GLB1: variants seen among roughly 807,000 people sequenced by gnomAD.
GLB1 encodes the protein beta-galactosidase.
A neutral mutation model predicts 74.0 loss-of-function variants in GLB1; 56 were observed. That is an observed-to-expected ratio of 0.76 (90% CI 0.61 to 0.94). The LOEUF is 0.94. Ranked by LOEUF, GLB1 falls within the 40% of genes least tolerant of loss-of-function variation. The pLI, the probability that GLB1 is intolerant of heterozygous loss-of-function variation, is 0.00. For synonymous variants in GLB1, 323 were observed against 323.6 expected, an observed-to-expected ratio of 1.00 and a Z score of 0.02; for missense variants, 787 against 845.5, an observed-to-expected ratio of 0.93 and a Z score of 0.86.
At chr3:32,961,534 ACAGT>A in the GLB1 span, among the ~76,000 whole-genome samples, 1 of 152,226 alleles carries the variant, frequency 6.6e-6, no homozygotes, top group Non-Finnish European at 1.5e-5. Context: ...CAGGAGGCAG[ACAGT>A]CAGTCTCTGT....
rs776226560 is a variant in GLB1, at chr3:33,093,167, G to C, written c.75+3844C>G. On this transcript the variant is annotated intron_variant, in intron 1 of 15. Coordinates refer to ENST00000307363, the MANE Select transcript of GLB1 (RefSeq NM_000404.4). The surrounding 1 kb of genome is among the most constrained non-coding windows in gnomAD (Gnocchi z 6.0). ...CAAGATCCATGCCATGGCCAGAGTA[G>C]TGCAGGATGTCTGCTTCAATATCGT... The C allele has an allele frequency of 3.7e-6, 6 of 1,614,184 alleles. No homozygotes were observed. The highest frequency in any genetic ancestry group is 1.6e-4 in the Middle Eastern group (1 of 6,062).
chr3:33,084,721 AAAATT>A (rs1163688785), intron 1 of GLB1, among the ~76,000 whole-genome samples: 3 of 152,214 alleles, frequency 2.0e-5, no homozygotes, highest in Non-Finnish European at 4.4e-5. Context: ...TAAAAAAATA[AAAATT>A]AAATTAAAAA....
chr3:32,984,619 A>C, the GLB1 span, among the ~76,000 whole-genome samples: 2 of 151,820 alleles, frequency 1.3e-5, no homozygotes, highest in East Asian at 3.9e-4. Context: ...TTCCATTAAA[A>C]ATTTAAAAAA....
chr3:32,978,761 C>CTTTTT, the GLB1 span, among the ~76,000 whole-genome samples: 16 of 84,532 alleles, frequency 1.9e-4, no homozygotes, highest in East Asian at 1.1e-3. Flanking sequence ...TTCTTTCTTT[C>CTTTTT]TTTCTTTTTT....
intron 2 of GLB1, among the ~76,000 whole-genome samples, chr3:33,071,674 T>C (rs2125552499): frequency 6.6e-6 from 1 of 152,014 alleles, no homozygotes; most frequent in Non-Finnish European, 1.5e-5. Context: ...AAATCTTCTT[T>C]CTCTGGCCTT....
At chr3:32,977,633 C>G in the GLB1 span, among the ~76,000 whole-genome samples, 16 of 152,158 alleles carry the variant, frequency 1.1e-4, no homozygotes, top group African/African-American at 1.7e-4. Flanking sequence ...TGACTGAGGA[C>G]CTACTATGGG....
At chr3:33,014,908 A>G (rs1488688109) in intron 14 of GLB1, among the ~76,000 whole-genome samples, 1 of 152,232 alleles carries the variant, frequency 6.6e-6, no homozygotes, top group African/African-American at 2.4e-5. Context: ...TGGAGGTTGC[A>G]GTGAGCTGAG....
chr3:33,024,085 C>T (rs1244334750), intron 11 of GLB1, among the ~76,000 whole-genome samples, 166 bp downstream of exon 11: 1 of 152,182 alleles, frequency 6.6e-6, no homozygotes, highest in African/African-American at 2.4e-5. Flanking sequence ...TCTCTCTCCC[C>T]ATTTTCCCAG....
downstream of GLB1, among the ~76,000 whole-genome samples, chr3:32,994,813 C>T (rs1321939851): frequency 6.6e-6 from 1 of 151,184 alleles, no homozygotes; most frequent in Non-Finnish European, 1.5e-5. Context: ...CCCAGCTACT[C>T]TGGAGGCTGA....
chr3:32,984,635 T>C, the GLB1 span, among the ~76,000 whole-genome samples: 103,383 of 151,696 alleles, frequency 0.68, 36,396 homozygotes, highest in East Asian at 0.92. Context: ...AAAAATTAGC[T>C]TGGTGTTACC....
the GLB1 span, among the ~76,000 whole-genome samples, chr3:32,966,597 G>A: frequency 6.6e-6 from 1 of 152,148 alleles, no homozygotes; most frequent in Non-Finnish European, 1.5e-5. Flanking sequence ...TTAGGGGACT[G>A]TTGAAAAGGC....
At chr3:33,027,281 C>T (rs571802269) in intron 10 of GLB1, among the ~76,000 whole-genome samples, 2 of 152,284 alleles carry the variant, frequency 1.3e-5, no homozygotes, top group Non-Finnish European at 2.9e-5. Flanking sequence ...CACCCTGCAG[C>T]AGCAGCAGCC....
chr3:32,987,825 CAA>C, the GLB1 span, among the ~76,000 whole-genome samples: 1 of 152,208 alleles, frequency 6.6e-6, no homozygotes, highest in South Asian at 2.1e-4. Flanking sequence ...CTGGATTTAA[CAA>C]AGAGATGCAG....
Position 33,024,236 on chromosome 3 carries a change from A to T in GLB1, c.1143+15T>A, listed in dbSNP as rs769930433. The T allele has an allele frequency of 1.3e-6, 2 of 1,586,560 alleles. No homozygotes were observed. Among genetic ancestry groups the T allele is most frequent in the African/African-American group, 2.7e-5 (2 of 74,298 alleles). On this transcript the variant is annotated intron_variant, in intron 11 of 15. Transcript: ENST00000307363. ...ATCTCTCACTTTCAAAGTTTCTGTTATTTTTTTTTCTTACCTTTTCCAAAG... is the reference window on the plus strand; with the variant it reads ...ATCTCTCACTTTCAAAGTTTCTGTTTTTTTTTTTTCTTACCTTTTCCAAAG...
chr3:32,982,236 C>G, the GLB1 span, among the ~76,000 whole-genome samples: 1 of 151,226 alleles, frequency 6.6e-6, no homozygotes, highest in Non-Finnish European at 1.5e-5. Flanking sequence ...TCTCTTGAAC[C>G]CGGGAGGTGG....
intron 12 of GLB1, 76 bp downstream of exon 12, chr3:33,021,490 T>G: frequency 2.0e-6 from 3 of 1,498,882 alleles, no homozygotes; most frequent in Non-Finnish European, 2.7e-6. Flanking sequence ...GAATTCAGAA[T>G]GGGCACTGCA....
In GLB1 at chr3:33,097,024, G is replaced by C. The variant is rs749823446; in HGVS notation, c.62C>G (p.Thr21Arg). Residue 21 changes from threonine to arginine, a missense_variant, in exon 1 of 16, where the codon ACG (threonine) becomes AGG (arginine). Coordinates refer to ENST00000307363, the MANE Select transcript of GLB1 (RefSeq NM_000404.4). The part of the protein sequence containing the change: ...LLLVLLLLGP[T>R]RGLRNATQRM... ...CCGCAGACTTACGCGCAAGCCGCGC[G>C]TAGGGCCCAGAAGCAGCAGAACCAG... 6.2e-7 allele frequency: 1 copy of C among 1,612,280 alleles called. No homozygotes were observed. The highest frequency in any genetic ancestry group is 1.7e-5 in the Admixed American group (1 of 59,822).
chr3:32,977,636 A>G, the GLB1 span, among the ~76,000 whole-genome samples: 1 of 152,218 alleles, frequency 6.6e-6, no homozygotes, highest in Admixed American at 6.5e-5. Context: ...CTGAGGACCT[A>G]CTATGGGCTA....
intron 1 of GLB1, among the ~76,000 whole-genome samples, chr3:33,084,636 C>T (rs1488826225): frequency 2.6e-5 from 4 of 152,158 alleles, no homozygotes. Flanking sequence ...GACTGATTCC[C>T]AATCCTCACG....
Sources: gnomAD v4.1 joint callset for allele counts (sites outside exome capture counted in the v4.1 genomes callset) on GRCh38, gnomAD v4.1.1 for gene constraint, Gnocchi (gnomAD v3.1) non-coding constraint, MANE v1.5 for transcripts, NCBI Gene and HGNC (gene_info 2026-07-23, HGNC 2026-07-21) for gene names.